The following DIAPH2 variants were observed in gnomAD, a reference collection of about 807,000 sequenced individuals.
The protein encoded by DIAPH2 is diaphanous related formin 2, also known as protein diaphanous homolog 2.
DIAPH2 carries 35 observed loss-of-function variants against 92.7 expected under a neutral mutation model. The observed-to-expected ratio is 0.38, with a 90% CI of 0.29 to 0.50. The LOEUF (loss-of-function observed/expected upper bound fraction) is 0.50, where lower values mean the gene tolerates loss of function less well. Among genes scored for constraint, DIAPH2 ranks in the 20% least tolerant of loss-of-function variants. The probability of loss-of-function intolerance (pLI) is 0.94; values close to 1 mark genes in which losing one functional copy is unlikely to be tolerated. For synonymous variants in DIAPH2, 301 were observed against 280.4 expected, an observed-to-expected ratio of 1.07 and a Z score of -0.73; for missense variants, 701 against 819.5, an observed-to-expected ratio of 0.86 and a Z score of 1.77.
At position 96,957,862 on chromosome X, in the gene DIAPH2, GTCC is replaced by G; in HGVS notation, c.1654_1656del (p.Pro552del). 1 of 1,209,896 alleles carries G rather than the reference GTCC, an allele frequency of 8.3e-7. No homozygotes were observed. The highest frequency in any genetic ancestry group is 1.1e-6 in the Non-Finnish European group (1 of 894,813). On this transcript the variant is annotated inframe_deletion, in exon 16 of 27. Coordinates refer to ENST00000324765, the MANE Select transcript of DIAPH2 (RefSeq NM_006729.5). ...CTCTCAAGTTCATCAGGAATTCCAGGTCCTCCTGCAGCACCTCCATTGCCAGGT... is the reference window on the plus strand; with the variant it reads ...CTCTCAAGTTCATCAGGAATTCCAGGTCCTGCAGCACCTCCATTGCCAGGT...
chrX:97,103,899 A>T (rs1193114476), intron 20 of DIAPH2, among the ~76,000 whole-genome samples: 2 of 110,951 alleles, frequency 1.8e-5, no homozygotes, highest in East Asian at 5.7e-4. Context: ...TGAACTTACC[A>T]TGTTCTTTCC....
At chrX:97,359,570 C>CTTTT (rs1162203236) in intron 24 of DIAPH2, among the ~76,000 whole-genome samples, 103 of 66,694 alleles carry the variant, frequency 1.5e-3, no homozygotes, top group African/African-American at 2.6e-3. Context: ...CATGGATAAT[C>CTTTT]TTTTTTTTTT....
chrX:96,836,714 T>C (rs1569409257), intron 4 of DIAPH2, among the ~76,000 whole-genome samples: 1 of 23,052 alleles, frequency 4.3e-5, no homozygotes. Flanking sequence ...TATATATATA[T>C]ATATTTTTTT....
chrX:97,352,280 A>G lies in DIAPH2; in HGVS notation c.3009+4000A>G, dbSNP rs548322323. Among the ~76,000 whole-genome samples, 5 of 111,283 alleles carry G rather than the reference A, an allele frequency of 4.5e-5. No individual in the cohort carries two copies. In the South Asian group the frequency reaches 1.5e-3, roughly 33 times the overall value. ...GCACATACCAAAAAATCTTCCTCCGATAGAGATATCCTCTAAAAGATGGGG... is the reference window on the plus strand; with the variant it reads ...GCACATACCAAAAAATCTTCCTCCGGTAGAGATATCCTCTAAAAGATGGGG... On this transcript the variant is annotated intron_variant, in intron 24 of 26. Coordinates refer to ENST00000324765, the MANE Select transcript of DIAPH2 (RefSeq NM_006729.5).
intron 21 of DIAPH2, among the ~76,000 whole-genome samples, chrX:97,135,753 G>A (rs952331968): frequency 9.0e-6 from 1 of 111,120 alleles, no homozygotes; most frequent in African/African-American, 3.3e-5. Flanking sequence ...TGGCATATTC[G>A]TAACTAACTC....
chrX:96,892,337 T>C (rs1434385754), intron 5 of DIAPH2, among the ~76,000 whole-genome samples: 2 of 112,254 alleles, frequency 1.8e-5, no homozygotes, highest in East Asian at 5.5e-4. Flanking sequence ...AAAGCAGGTT[T>C]TTAAATATTG....
At chrX:97,080,425 T>C (rs1393872620) in intron 19 of DIAPH2, among the ~76,000 whole-genome samples, 4 of 110,156 alleles carry the variant, frequency 3.6e-5, no homozygotes, top group Non-Finnish European at 5.7e-5. Flanking sequence ...TTCTCTACGA[T>C]GCATACATGG....
chrX:96,883,373 T>C (rs2065232829), intron 5 of DIAPH2, among the ~76,000 whole-genome samples: 1 of 108,899 alleles, frequency 9.2e-6, no homozygotes, highest in Non-Finnish European at 1.9e-5. Context: ...AGGTTTTTTG[T>C]TTTTTGTTTT....
intron 17 of DIAPH2, among the ~76,000 whole-genome samples, chrX:97,033,080 A>G (rs2066387550): frequency 8.9e-6 from 1 of 111,790 alleles, no homozygotes; most frequent in Non-Finnish European, 1.9e-5. Context: ...ATTCACTGCC[A>G]GCCATCTACA....
At chrX:97,029,252 A>G (rs1209821532) in intron 17 of DIAPH2, among the ~76,000 whole-genome samples, 1 of 106,862 alleles carries the variant, frequency 9.4e-6, no homozygotes, top group African/African-American at 3.4e-5. Flanking sequence ...GGCTCAAGTG[A>G]TCCTCCCATT....
intron 4 of DIAPH2, among the ~76,000 whole-genome samples, chrX:96,770,663 G>T (rs1164246173): frequency 9.0e-6 from 1 of 111,201 alleles, no homozygotes; most frequent in Non-Finnish European, 1.9e-5. Context: ...TTTTATGGTG[G>T]TGATAATTTT....
At chrX:97,234,394 C>A (rs1202100712) in intron 22 of DIAPH2, among the ~76,000 whole-genome samples, 1 of 109,084 alleles carries the variant, frequency 9.2e-6, no homozygotes, top group Non-Finnish European at 1.9e-5. Flanking sequence ...CTAGGCAATC[C>A]ACTTTTGTTT....
chrX:97,385,272 G>C (rs904024210), intron 25 of DIAPH2, among the ~76,000 whole-genome samples: 2 of 110,591 alleles, frequency 1.8e-5, no homozygotes, highest in African/African-American at 6.6e-5. Flanking sequence ...TAGCTCTGTC[G>C]CCCAAGCTGG....
At chrX:97,185,441 ATATATATGTGTGTG>A (rs2067586279) in intron 22 of DIAPH2, among the ~76,000 whole-genome samples, 1 of 58,434 alleles carries the variant, frequency 1.7e-5, no homozygotes, top group Non-Finnish European at 2.7e-5. Flanking sequence ...ATATGTGTAT[ATATATATGTGTGTG>A]TATATATATA....
chrX:96,894,261 T>A (rs1418231991), intron 5 of DIAPH2, among the ~76,000 whole-genome samples: 1 of 110,268 alleles, frequency 9.1e-6, no homozygotes, highest in East Asian at 2.8e-4. Context: ...ACAGTTTTTT[T>A]TTTTTTCTTT....
intron 21 of DIAPH2, among the ~76,000 whole-genome samples, chrX:97,117,386 AATTTCAGTTGTATTATG>A (rs1262991051): frequency 8.9e-6 from 1 of 111,981 alleles, no homozygotes; most frequent in South Asian, 3.7e-4. Context: ...ATTGCTGTTT[AATTTCAGTTGTATTATG>A]AAAGATTACT....
At chrX:96,882,785 C>T (rs997989117) in intron 5 of DIAPH2, among the ~76,000 whole-genome samples, 3 of 107,329 alleles carry the variant, frequency 2.8e-5, no homozygotes, top group Non-Finnish European at 5.8e-5. Context: ...GGTGAAACCC[C>T]GTCTCTACCA....
chrX:97,072,939 A>T lies in DIAPH2; in HGVS notation c.2051-2A>T. ...TTTATGAATCAACATTTTTTCTTTC[A>T]GTTCAAAAGAACGCAGAAGCATTAG... On this transcript the variant is annotated splice_acceptor_variant, in intron 17 of 26. Transcript: ENST00000324765. LOFTEE classifies it high-confidence loss of function. The T allele has an allele frequency of 8.5e-7, 1 of 1,170,678 alleles. No individual in the cohort carries two copies. Among genetic ancestry groups the T allele is most frequent in the South Asian group, 1.9e-5 (1 of 52,426 alleles).
intron 4 of DIAPH2, among the ~76,000 whole-genome samples, chrX:96,816,338 A>G (rs1409719218): frequency 8.9e-6 from 1 of 112,110 alleles, no homozygotes; most frequent in African/African-American, 3.2e-5. Context: ...CTTTTGGATC[A>G]ATACCTAGAA....
Sources: allele counts gnomAD v4.1 joint callset (sites outside exome capture counted in the v4.1 genomes callset), GRCh38; gene constraint gnomAD v4.1.1; transcripts MANE v1.5; gene names NCBI Gene and HGNC (gene_info 2026-07-23, HGNC 2026-07-21).